Variants in CPM observed in about 807,000 individuals in gnomAD.
CPM encodes the protein renal carboxypeptidase.
CPM carries 35 observed loss-of-function variants against 46.4 expected under a neutral mutation model. That is an observed-to-expected ratio of 0.75 (90% CI 0.58 to 1.00). The LOEUF is 1.00. Ranked by LOEUF, CPM falls within the 50% of genes least tolerant of loss-of-function variation. The probability of loss-of-function intolerance (pLI) is 0.00; values close to 1 mark genes in which losing one functional copy is unlikely to be tolerated. For synonymous variants in CPM, 195 were observed against 195.3 expected (o/e 1.00, Z 0.01); for missense variants, 422 against 530.4 (o/e 0.80, Z 2.01).
chr12:68,843,828 T>G (rs1478661417), intron 5 of CPM: 1 of 219,222 alleles, frequency 4.6e-6, no homozygotes, highest in Non-Finnish European at 9.1e-6. Context: ...CTCTTTTTTT[T>G]GGAGGTCCTC....
chr12:68,916,223 T>C lies in CPM; in HGVS notation c.160+16455A>G, dbSNP rs551834591. 1.0e-3 allele frequency among the ~76,000 whole-genome samples: 153 copies of C among 152,338 alleles called. 2 individuals carry two copies. The highest frequency in any genetic ancestry group is 2.7e-3 in the East Asian group (14 of 5,186). On this transcript the variant is annotated intron_variant, in intron 2 of 8. Transcript: ENST00000551568. ...GCATTTCTCTTTACATTCTGAATAA[T>C]TAATGCTTGTCAGTTTCTGTATAGG...
chr12:68,885,534 T>A (rs533097768), intron 3 of CPM, among the ~76,000 whole-genome samples: 47 of 152,280 alleles, frequency 3.1e-4, no homozygotes, highest in Admixed American at 1.2e-3. Context: ...CTGTTGTTCT[T>A]CCGGCCCCAA....
intron 1 of CPM, among the ~76,000 whole-genome samples, chr12:68,952,023 G>T (rs145313259): frequency 6.6e-6 from 1 of 152,100 alleles, no homozygotes; most frequent in Non-Finnish European, 1.5e-5. Flanking sequence ...TCTCCTCTCC[G>T]GGACATGTTG....
At chr12:68,872,465 C>CT (rs763346126) in intron 3 of CPM, among the ~76,000 whole-genome samples, 1 of 152,068 alleles carries the variant, frequency 6.6e-6, no homozygotes, top group Non-Finnish European at 1.5e-5. Context: ...GTTGGCCAGG[C>CT]TGGTCTTGAA....
At chr12:68,914,852 T>C (rs779283604) in intron 2 of CPM, among the ~76,000 whole-genome samples, 13 of 152,208 alleles carry the variant, frequency 8.5e-5, no homozygotes, top group African/African-American at 1.9e-4. Flanking sequence ...TTCCCAGCTC[T>C]GCTCCTTACT....
chr12:68,873,257 C>G (rs1382483800), intron 3 of CPM, among the ~76,000 whole-genome samples: 3 of 152,220 alleles, frequency 2.0e-5, no homozygotes, highest in African/African-American at 7.2e-5. Flanking sequence ...AGGACTTCAA[C>G]ATTGTGACAA....
At chr12:68,937,564 C>T (rs1179037913), upstream of CPM, among the ~76,000 whole-genome samples, 1 of 152,004 alleles carries the variant, frequency 6.6e-6, no homozygotes, top group Non-Finnish European at 1.5e-5. Context: ...TGTTTTTCAG[C>T]CATAATAATG....
Position 68,853,729 on chromosome 12 carries a change from A to G in CPM, c.*2708T>C, listed in dbSNP as rs1884831798. On this transcript the variant is annotated 3_prime_UTR_variant, in exon 9 of 9. Coordinates refer to ENST00000551568, the MANE Select transcript of CPM (RefSeq NM_198320.5). ...TGGGGATTAAGTAAAAAAAAGAGAA[A>G]GAAGGATGGGAAGGGGAGGGAAGGG... is the stretch of plus-strand genomic sequence containing the variant. The G allele has an allele frequency of 6.7e-6, 1 of 150,224 alleles. No individual in the cohort carries two copies. The highest frequency in any genetic ancestry group is 6.6e-5 in the Admixed American group (1 of 15,066). The allele number at this position is 150,224 out of a possible 1,614,324, so 9.3% of individuals were successfully genotyped here.
In CPM at chr12:68,852,517, G is replaced by A. The variant is rs1175809585; in HGVS notation, c.*3920C>T. 1 of 151,562 alleles carries A rather than the reference G, an allele frequency of 6.6e-6. No individual in the cohort carries two copies. The highest frequency in any genetic ancestry group is 2.4e-5 in the African/African-American group (1 of 41,202). 9.4% of individuals were successfully genotyped at this position (151,562 alleles called of 1,614,324 possible). On this transcript the variant is annotated 3_prime_UTR_variant, in exon 9 of 9. Transcript: ENST00000551568. ...AAGAAACTGAATGTGTGGCGGATTT[G>A]AATCCAGGGCTTCTGCCTTTTTTCT...
At chr12:68,877,681 T>C (rs1018470175) in intron 3 of CPM, among the ~76,000 whole-genome samples, 1 of 150,572 alleles carries the variant, frequency 6.6e-6, no homozygotes, top group Non-Finnish European at 1.5e-5. Context: ...CACAGAGCGT[T>C]ACTGAGGACA....
At chr12:68,886,103 C>T (rs1302808328) in intron 2 of CPM, among the ~76,000 whole-genome samples, 2 of 152,066 alleles carry the variant, frequency 1.3e-5, no homozygotes, top group Non-Finnish European at 2.9e-5. Flanking sequence ...ACAAATATTT[C>T]ACTTATTATT....
intron 3 of CPM, among the ~76,000 whole-genome samples, chr12:68,877,725 G>C (rs1420086100): frequency 6.6e-6 from 1 of 152,198 alleles, no homozygotes; most frequent in Non-Finnish European, 1.5e-5. Flanking sequence ...GGTAGGAAAA[G>C]GAGCTTGGGC....
intron 2 of CPM, among the ~76,000 whole-genome samples, chr12:68,899,610 GT>G (rs1887032835): frequency 6.6e-6 from 1 of 152,308 alleles, no homozygotes; most frequent in South Asian, 2.1e-4. Flanking sequence ...CAAGGAAATG[GT>G]TCATTAGGAA....
At chr12:68,905,234 T>C (rs1400775529) in intron 2 of CPM, among the ~76,000 whole-genome samples, 3 of 151,946 alleles carry the variant, frequency 2.0e-5, no homozygotes, top group African/African-American at 7.3e-5. Context: ...TTTTAAAACA[T>C]CTCTCATGAT....
intron 2 of CPM, among the ~76,000 whole-genome samples, chr12:68,924,193 AAGC>A (rs1313950731): frequency 1.3e-5 from 2 of 151,280 alleles, no homozygotes; most frequent in African/African-American, 4.9e-5. Context: ...GGAATAATGT[AAGC>A]ATGACAAGAT....
In CPM at chr12:68,853,263, C is replaced by G. The variant is rs1230305247; in HGVS notation, c.*3174G>C. The G allele has an allele frequency of 6.6e-6, 1 of 152,116 alleles. No individual in the cohort carries two copies. The highest frequency in any genetic ancestry group is 1.5e-5 in the Non-Finnish European group (1 of 68,024). 9.4% of individuals were successfully genotyped at this position (152,116 alleles called of 1,614,324 possible). A position where few individuals can be genotyped will look rare whatever the true frequency, so the allele number is the denominator to read the frequency against. On this transcript the variant is annotated 3_prime_UTR_variant, in exon 9 of 9. Coordinates refer to ENST00000551568, the MANE Select transcript of CPM (RefSeq NM_198320.5). Reference sequence around the variant, plus strand: ...TGAAAAATTGCTTGGGGCTTGATAGCAAATCAAGTTTCATCTTATATACTT... The same window carrying G: ...TGAAAAATTGCTTGGGGCTTGATAGGAAATCAAGTTTCATCTTATATACTT...
chr12:68,903,812 C>G (rs1887216687), intron 2 of CPM, among the ~76,000 whole-genome samples: 1 of 152,106 alleles, frequency 6.6e-6, no homozygotes, highest in African/African-American at 2.4e-5. Flanking sequence ...GTCTCTCCTT[C>G]CCTCTGTCCG....
Position 68,856,339 on chromosome 12 carries a change from C to T in CPM, c.*98G>A. ...CTTCAGGAAGATCGTGGAGTTTCTC[C>T]AGTCAAGGTCCCACTAGAGTGAGTT... On this transcript the variant is annotated 3_prime_UTR_variant, in exon 9 of 9. Coordinates refer to ENST00000551568, the MANE Select transcript of CPM (RefSeq NM_198320.5). 1 of 1,326,692 alleles carries T rather than the reference C, an allele frequency of 7.5e-7. No individual in the cohort carries two copies. The highest frequency in any genetic ancestry group is 1.0e-6 in the Non-Finnish European group (1 of 962,542). The allele number at this position is 1,326,692 out of a possible 1,614,324, so 82.2% of individuals were successfully genotyped here. A position where few individuals can be genotyped will look rare whatever the true frequency, so the allele number is the denominator to read the frequency against.
At chr12:68,893,081 C>T (rs1232444214) in intron 2 of CPM, among the ~76,000 whole-genome samples, 6 of 149,476 alleles carry the variant, frequency 4.0e-5, no homozygotes. Context: ...ACATGTATAC[C>T]TATGTAACGA....
Sources: allele counts gnomAD v4.1 joint callset (sites outside exome capture counted in the v4.1 genomes callset), GRCh38; gene constraint gnomAD v4.1.1; transcripts MANE v1.5; gene names NCBI Gene and HGNC (gene_info 2026-07-23, HGNC 2026-07-21).